B3GALT2: variants seen among roughly 807,000 people sequenced by gnomAD.
B3GALT2 encodes UDP-Gal:betaGlcNAc beta 1,3-galactosyltransferase, polypeptide 2.
A neutral mutation model predicts 33.5 loss-of-function variants in B3GALT2; 13 were observed. The ratio of observed to expected loss-of-function variants is 0.39; its 90% CI spans 0.25 to 0.62. B3GALT2 has a LOEUF of 0.62. B3GALT2 is among the 20% of genes least tolerant of loss of function. The probability of loss-of-function intolerance (pLI) is 0.53; values close to 1 mark genes in which losing one functional copy is unlikely to be tolerated. For missense variants in B3GALT2, 418 were observed against 509.1 expected (o/e 0.82, Z 1.72); for synonymous variants, 195 against 172.7 (o/e 1.13, Z -1.01).
chr1:193,180,071 TCTC>T lies in B3GALT2; in HGVS notation c.*220_*222del, dbSNP rs1223114319. The stretch of plus-strand genomic sequence containing the variant: ...TGTTATTGCATGTTAATACACAGAA[TCTC>T]CTTATACAGTTTTTTAAATAGATTG... On this transcript the variant is annotated 3_prime_UTR_variant, in exon 2 of 2. Coordinates refer to ENST00000367434, the MANE Select transcript of B3GALT2 (RefSeq NM_003783.3). 5.5e-6 allele frequency: 2 copies of T among 365,772 alleles called. No homozygotes were observed. The highest frequency in any genetic ancestry group is 9.6e-6 in the Non-Finnish European group (2 of 209,094). 22.7% of individuals were successfully genotyped at this position (365,772 alleles called of 1,614,324 possible).
At position 193,180,951 on chromosome 1, in the gene B3GALT2, T is replaced by C; in HGVS notation, c.612A>G (p.Ala204=). Residue 204 remains alanine (A), a synonymous_variant, in exon 2 of 2, where the codon GCA becomes GCG. Coordinates refer to ENST00000367434, the MANE Select transcript of B3GALT2 (RefSeq NM_003783.3). ...SIKLNGYLQR[A]ILEESRQYHD... ...GATATTGTCTGCTTTCTTCCAGTAT[T>C]GCACGTTGAAGGTAGCCATTTAGCT... The C allele has an allele frequency of 6.2e-7, 1 of 1,613,594 alleles. No homozygotes were observed.
rs770824791 is a variant in B3GALT2 at position 193,180,704 on chromosome 1, C to T, written c.859G>A (p.Ala287Thr). ...TTGCTATCTTTGTTTCGATTGGGTGCATATCCTCGCATTAGGTAACCAGTG... is the reference window on the plus strand; with the variant it reads ...TTGCTATCTTTGTTTCGATTGGGTGTATATCCTCGCATTAGGTAACCAGTG... The part of the protein sequence containing the change: ...YFTGYLMRGY[A>T]PNRNKDSKWY... The change falls in exon 2 of 2, where the codon GCA becomes ACA. Residue 287 changes from alanine to threonine, a missense_variant. Coordinates refer to ENST00000367434, the MANE Select transcript of B3GALT2 (RefSeq NM_003783.3). The T allele has an allele frequency of 1.2e-6, 2 of 1,614,060 alleles. No homozygotes were observed. The highest frequency in any genetic ancestry group is 1.7e-6 in the Non-Finnish European group (2 of 1,179,948).
intron 1 of B3GALT2, among the ~76,000 whole-genome samples, chr1:193,183,797 A>T (rs1676760057): frequency 6.6e-6 from 1 of 151,900 alleles, no homozygotes; most frequent in Non-Finnish European, 1.5e-5. Context: ...AAGATAAGTT[A>T]TCTGTTTTCT....
chr1:193,180,793 A>G lies in B3GALT2; in HGVS notation c.770T>C (p.Val257Ala), dbSNP rs1337615306. Residue 257 changes from valine to alanine, a missense_variant, in exon 2 of 2, where the codon GTC (valine) becomes GCC (alanine). Physicochemically the swap from Val to Ala is moderately conservative, Grantham distance 64. Coordinates refer to ENST00000367434, the MANE Select transcript of B3GALT2 (RefSeq NM_003783.3). ...CTTATTGATTAAATATTCAGTGTTG[A>G]CAAACATGTCACTGTCAGTTTTCAT... ...YVMKTDSDMF[V>A]NTEYLINKLL... is the part of the protein sequence containing the mutation. 6.2e-7 allele frequency: 1 copy of G among 1,614,132 alleles called. No individual in the cohort carries two copies. The highest frequency in any genetic ancestry group is 1.1e-5 in the South Asian group (1 of 91,082).
chr1:193,181,566 G>A lies in B3GALT2; in HGVS notation c.-4C>T. The A allele has an allele frequency of 6.3e-7, 1 of 1,574,896 alleles. No individual in the cohort carries two copies. ...GTCTTCTCCTCCACTGAAGCATGTT[G>A]TAAATATCCAGTAGTGGTATATGAG... On this transcript the variant is annotated 5_prime_UTR_variant, in exon 2 of 2. Coordinates refer to ENST00000367434, the MANE Select transcript of B3GALT2 (RefSeq NM_003783.3).
intron 1 of B3GALT2, among the ~76,000 whole-genome samples, chr1:193,185,512 T>C (rs894711623): frequency 1.3e-5 from 2 of 152,104 alleles, no homozygotes; most frequent in African/African-American, 4.8e-5. Context: ...TTGGGGAAGA[T>C]TTTGTTACTA....
At chr1:193,182,817 A>C (rs543810526) in intron 1 of B3GALT2, among the ~76,000 whole-genome samples, 29 of 152,212 alleles carry the variant, frequency 1.9e-4, no homozygotes, top group African/African-American at 7.0e-4. Context: ...AGAGGTGGGC[A>C]AAGAGGTATA....
chr1:193,180,036 T>G lies in B3GALT2; in HGVS notation c.*258A>C. ...TAACAGAAGACTTGAACCATTGATT[T>G]ATGCATGCTTGTTATTGCATGTTAA... is the stretch of plus-strand genomic sequence containing the variant. On this transcript the variant is annotated 3_prime_UTR_variant, in exon 2 of 2. Coordinates refer to ENST00000367434, the MANE Select transcript of B3GALT2 (RefSeq NM_003783.3). 3.6e-6 allele frequency: 1 copy of G among 279,660 alleles called. No homozygotes were observed. Among genetic ancestry groups the G allele is most frequent in the Non-Finnish European group, 6.6e-6 (1 of 152,410 alleles). 17.3% of individuals were successfully genotyped at this position (279,660 alleles called of 1,614,324 possible).
At chr1:193,184,354 T>C (rs1676769521) in intron 1 of B3GALT2, among the ~76,000 whole-genome samples, 1 of 151,960 alleles carries the variant, frequency 6.6e-6, no homozygotes, top group Non-Finnish European at 1.5e-5. Context: ...TCTCCAGTTA[T>C]TGCCTGTTGT....
rs941263598 is a variant in B3GALT2, at chr1:193,180,386, A to G, written c.1177T>C (p.Tyr393His). The G allele has an allele frequency of 1.2e-6, 2 of 1,613,746 alleles. No homozygotes were observed. The highest frequency in any genetic ancestry group is 1.7e-6 in the Non-Finnish European group (2 of 1,179,764). The change falls in exon 2 of 2, where the codon TAC becomes CAC. Residue 393 changes from tyrosine to histidine, a missense_variant. Transcript: ENST00000367434. ...HQFQPSELIK[Y>H]WNHLQQNKHN... ...TTATTTTGTTGTAAATGGTTCCAGT[A>G]TTTTATCAGTTCACTAGGCTGGAAC...
At chr1:193,181,711 G>T in intron 1 of B3GALT2, 29 bp from the exon 2 acceptor site, 1 of 728,522 alleles carries the variant, frequency 1.4e-6, no homozygotes, top group Non-Finnish European at 2.2e-6. Context: ...AAAGTTTACA[G>T]AACTGCCTGA....
rs565166670 is a variant in B3GALT2 at position 193,182,596 on chromosome 1, AC to A, written c.-120-915del. Among the ~76,000 whole-genome samples the A allele has an allele frequency of 1.5e-3, 235 of 152,232 alleles. 3 individuals carry two copies. The highest frequency in any genetic ancestry group is 5.3e-3 in the African/African-American group (221 of 41,550). ...AATTTACATGCAGATAATTTGTTAAACTTTTAGAACTTGTCATTAGCACAGT... is the reference window on the plus strand; with the variant it reads ...AATTTACATGCAGATAATTTGTTAAATTTTAGAACTTGTCATTAGCACAGT... On this transcript the variant is annotated intron_variant, in intron 1 of 1. Coordinates refer to ENST00000367434, the MANE Select transcript of B3GALT2 (RefSeq NM_003783.3).
In B3GALT2 at chr1:193,181,263, A is replaced by G. The variant is rs780961822; in HGVS notation, c.300T>C (p.Asn100=). The change falls in exon 2 of 2, where the codon AAT becomes AAC. Residue 100 remains asparagine, a synonymous_variant. Coordinates refer to ENST00000367434, the MANE Select transcript of B3GALT2 (RefSeq NM_003783.3). ...TLRPQTATNS[N]NTDLSPQGVT... Reference sequence around the variant, plus strand: ...CTCCTTGTGGTGACAGGTCTGTGTTATTAGAGTTAGTTGCTGTTTGAGGCC... The same window carrying G: ...CTCCTTGTGGTGACAGGTCTGTGTTGTTAGAGTTAGTTGCTGTTTGAGGCC... 2 of 1,613,996 alleles carry G rather than the reference A, an allele frequency of 1.2e-6. No individual in the cohort carries two copies. The highest frequency in any genetic ancestry group is 1.1e-5 in the South Asian group (1 of 91,086).
At position 193,179,007 on chromosome 1, in the gene B3GALT2, TCAAA is replaced by T. The variant is rs572980874; in HGVS notation, c.*1283_*1286del. 14 of 152,276 alleles carry T rather than the reference TCAAA, an allele frequency of 9.2e-5. No individual in the cohort carries two copies. The highest frequency in any genetic ancestry group is 2.4e-4 in the African/African-American group (10 of 41,568). 9.4% of individuals were successfully genotyped at this position (152,276 alleles called of 1,614,324 possible). On this transcript the variant is annotated 3_prime_UTR_variant, in exon 2 of 2. Transcript: ENST00000367434. ...CTTGATTTTAAAATTCATGATGGAGTCAAACAAAATTATTGTGAAAATACTTATA... is the reference window on the plus strand; with the variant it reads ...CTTGATTTTAAAATTCATGATGGAGTCAAAATTATTGTGAAAATACTTATA...
At position 193,179,408 on chromosome 1, in the gene B3GALT2, A is replaced by G. The variant is rs1392687240; in HGVS notation, c.*886T>C. 2 of 152,618 alleles carry G rather than the reference A, an allele frequency of 1.3e-5. No homozygotes were observed. The highest frequency in any genetic ancestry group is 2.9e-5 in the Non-Finnish European group (2 of 68,038). 9.5% of individuals were successfully genotyped at this position (152,618 alleles called of 1,614,324 possible). A position where few individuals can be genotyped will look rare whatever the true frequency, so the allele number is the denominator to read the frequency against. On this transcript the variant is annotated 3_prime_UTR_variant, in exon 2 of 2. Transcript: ENST00000367434. ...AACAGTACATCCTATTTGTGCCTTTAAGTGATTACTTTTGCTTCGATTATC... is the reference window on the plus strand; with the variant it reads ...AACAGTACATCCTATTTGTGCCTTTGAGTGATTACTTTTGCTTCGATTATC...
In B3GALT2 at chr1:193,179,137, A is replaced by G. The variant is rs947435130; in HGVS notation, c.*1157T>C. On this transcript the variant is annotated 3_prime_UTR_variant, in exon 2 of 2. Coordinates refer to ENST00000367434, the MANE Select transcript of B3GALT2 (RefSeq NM_003783.3). ...AGAATTGTGTTTGTCAAACGTTTGT[A>G]GTTTTCCCCATCCCTCCCAAAAAGG... 2 of 152,192 alleles carry G rather than the reference A, an allele frequency of 1.3e-5. No homozygotes were observed. Among genetic ancestry groups the G allele is most frequent in the African/African-American group, 2.4e-5 (1 of 41,462 alleles). 9.4% of individuals were successfully genotyped at this position (152,192 alleles called of 1,614,324 possible).
chr1:193,183,743 AG>A (rs1156619258), intron 1 of B3GALT2, among the ~76,000 whole-genome samples: 8 of 151,894 alleles, frequency 5.3e-5, no homozygotes, highest in African/African-American at 1.9e-4. Flanking sequence ...AAGAAACAAA[AG>A]TTGCTTTTAA....
At chr1:193,185,574 T>G (rs547299346) in intron 1 of B3GALT2, among the ~76,000 whole-genome samples, 17 of 152,242 alleles carry the variant, frequency 1.1e-4, no homozygotes, top group African/African-American at 3.8e-4. Flanking sequence ...AAAAAAAAAC[T>G]CTTAAGGTTT....
At chr1:193,182,291 A>C (rs1676730128) in intron 1 of B3GALT2, among the ~76,000 whole-genome samples, 1 of 152,158 alleles carries the variant, frequency 6.6e-6, no homozygotes, top group African/African-American at 2.4e-5. Context: ...ACTTCAGTGT[A>C]GGATTTTTAG....
Sources: allele counts gnomAD v4.1 joint callset (sites outside exome capture counted in the v4.1 genomes callset), GRCh38; gene constraint gnomAD v4.1.1; transcripts MANE v1.5; gene names NCBI Gene and HGNC (gene_info 2026-07-23, HGNC 2026-07-21).